Variants in CDH6 observed in about 807,000 individuals in gnomAD.
CDH6 encodes cadherin 6.
A neutral mutation model predicts 78.0 loss-of-function variants in CDH6; 31 were observed. That is an observed-to-expected ratio of 0.40 (90% CI 0.30 to 0.54). The LOEUF is 0.54. Ranked by LOEUF, CDH6 falls within the 20% of genes least tolerant of loss-of-function variation. CDH6 has a pLI of 0.56. For synonymous variants in CDH6, 376 were observed against 368.8 expected (o/e 1.02, Z -0.23); for missense variants, 724 against 975.9 (o/e 0.74, Z 3.44).
chr5:31,233,887 C>T (rs1741384119), intron 1 of CDH6, among the ~76,000 whole-genome samples: 2 of 152,190 alleles, frequency 1.3e-5, no homozygotes, highest in South Asian at 4.1e-4. Context: ...CTATCATTCA[C>T]TTGCTTCGAG....
chr5:31,200,597 C>T (rs191096722), intron 1 of CDH6, among the ~76,000 whole-genome samples: 1 of 148,008 alleles, frequency 6.8e-6, no homozygotes, highest in Non-Finnish European at 1.5e-5. Flanking sequence ...CACACACACA[C>T]ATATACACAC....
At chr5:31,250,341 C>T (rs565471283) in intron 1 of CDH6, 1 of 152,590 alleles carries the variant, frequency 6.6e-6, no homozygotes, top group Admixed American at 6.5e-5. Flanking sequence ...GCTCTTCTTC[C>T]ACCTCACACA....
At chr5:31,292,617 A>T (rs1737405890) in intron 2 of CDH6, among the ~76,000 whole-genome samples, 2 of 151,908 alleles carry the variant, frequency 1.3e-5, no homozygotes, top group African/African-American at 2.4e-5. Context: ...CAGCCTTCCC[A>T]CTAACACTAA....
intron 2 of CDH6, among the ~76,000 whole-genome samples, chr5:31,283,057 G>A (rs998899437): frequency 2.0e-5 from 3 of 152,172 alleles, no homozygotes; most frequent in Non-Finnish European, 2.9e-5. Context: ...ACAGATTTAA[G>A]TTTGATCAAT....
chr5:31,221,791 C>G (rs534615648), intron 1 of CDH6, among the ~76,000 whole-genome samples: 7 of 152,152 alleles, frequency 4.6e-5, no homozygotes, highest in Non-Finnish European at 8.8e-5. Context: ...ATGTGGTAGA[C>G]AAGCTTGGGT....
At chr5:31,249,418 G>A (rs774287666) in intron 1 of CDH6, 2 of 152,186 alleles carry the variant, frequency 1.3e-5, no homozygotes, top group Non-Finnish European at 2.9e-5. Flanking sequence ...ATCAACTGAT[G>A]TGGTGATGAA....
rs3805528 is a variant in CDH6 at position 31,308,968 on chromosome 5, G to C, written c.1253+3541G>C. On this transcript the variant is annotated intron_variant, in intron 7 of 11. Coordinates refer to ENST00000265071, the MANE Select transcript of CDH6 (RefSeq NM_004932.4). ...ATTTCTTATGAAGTCTATGAATATT[G>C]AGATTTCCTTTTTGTAATTAACGAT... Among the ~76,000 whole-genome samples, 45 of 152,076 alleles carry C rather than the reference G, an allele frequency of 3.0e-4. No homozygotes were observed. The East Asian group carries it at 8.7e-3, about 29-fold the overall frequency.
At chr5:31,212,686 T>G (rs965902095) in intron 1 of CDH6, among the ~76,000 whole-genome samples, 3 of 152,076 alleles carry the variant, frequency 2.0e-5, no homozygotes, top group African/African-American at 7.2e-5. Context: ...CCTGCCCTTG[T>G]CCACGGGGTA....
intron 1 of CDH6, among the ~76,000 whole-genome samples, chr5:31,218,552 G>A (rs996568524): frequency 6.6e-6 from 1 of 152,104 alleles, no homozygotes; most frequent in African/African-American, 2.4e-5. Context: ...TTCTACCCAA[G>A]CCCAGGGTAA....
chr5:31,221,695 T>C (rs915468145), intron 1 of CDH6, among the ~76,000 whole-genome samples: 3 of 152,194 alleles, frequency 2.0e-5, no homozygotes, highest in Non-Finnish European at 2.9e-5. Flanking sequence ...TTGCACAAGC[T>C]AACAAGCTTA....
At chr5:31,289,596 GTGT>G (rs1044777689) in intron 2 of CDH6, among the ~76,000 whole-genome samples, 1 of 152,180 alleles carries the variant, frequency 6.6e-6, no homozygotes, top group Non-Finnish European at 1.5e-5. Context: ...CCCACCAACA[GTGT>G]ATGAGAGTTC....
At chr5:31,202,838 C>CAT (rs903614015) in intron 1 of CDH6, among the ~76,000 whole-genome samples, 4 of 151,114 alleles carry the variant, frequency 2.6e-5, no homozygotes, top group African/African-American at 4.9e-5. Flanking sequence ...TATACACACA[C>CAT]ATATATATAT....
intron 6 of CDH6, among the ~76,000 whole-genome samples, chr5:31,302,933 A>AAG (rs1384608721): frequency 8.5e-5 from 11 of 129,678 alleles, no homozygotes; most frequent in Non-Finnish European, 1.6e-4. Flanking sequence ...GAAAGAAAGA[A>AAG]AGAAAGAAAG....
chr5:31,292,817 GTGTGCATATATATATATATA>G (rs1737424291), intron 2 of CDH6, among the ~76,000 whole-genome samples: 2 of 72,054 alleles, frequency 2.8e-5, no homozygotes, highest in Admixed American at 1.8e-4. Context: ...ATATATATAT[GTGTGCATATATATATATATA>G]TATATATATG....
At chr5:31,304,927 A>G (rs1164022108) in intron 6 of CDH6, among the ~76,000 whole-genome samples, 1 of 152,122 alleles carries the variant, frequency 6.6e-6, no homozygotes, top group African/African-American at 2.4e-5. Flanking sequence ...TACATTTTTC[A>G]GGGCTGTGTG....
chr5:31,202,127 T>G (rs1466287818), intron 1 of CDH6, among the ~76,000 whole-genome samples: 1 of 152,012 alleles, frequency 6.6e-6, no homozygotes, highest in Non-Finnish European at 1.5e-5. Flanking sequence ...TTTCTAAAAG[T>G]GAACTTTGTA....
chr5:31,250,580 G>C (rs1303462611), intron 1 of CDH6: 4 of 152,592 alleles, frequency 2.6e-5, no homozygotes, highest in Non-Finnish European at 4.4e-5. Context: ...GAGACACATG[G>C]CCTGGCAGTA....
chr5:31,215,051 A>G (rs7734842), intron 1 of CDH6, among the ~76,000 whole-genome samples: 27,267 of 152,196 alleles, frequency 0.18, 2,547 homozygotes, highest in East Asian at 0.29. Context: ...TATAATTAAC[A>G]TTAGTATATT....
chr5:31,293,614 TG>T (rs1160004368), intron 2 of CDH6, among the ~76,000 whole-genome samples: 1 of 152,140 alleles, frequency 6.6e-6, no homozygotes, highest in Non-Finnish European at 1.5e-5. Flanking sequence ...AAAGCTGTAG[TG>T]AAAAATAGGA....
Sources: gnomAD v4.1 joint callset for allele counts (sites outside exome capture counted in the v4.1 genomes callset) on GRCh38, gnomAD v4.1.1 for gene constraint, MANE v1.5 for transcripts, NCBI Gene and HGNC (gene_info 2026-07-23, HGNC 2026-07-21) for gene names.